CDC14B: variants seen among roughly 807,000 people sequenced by gnomAD.
The protein encoded by CDC14B is cell division cycle 14B.
Under a neutral mutation model 64.2 loss-of-function variants are expected in CDC14B, and 22 were observed. The observed-to-expected ratio is 0.34, with a 90% CI of 0.24 to 0.49. The LOEUF (loss-of-function observed/expected upper bound fraction) is 0.49. Ranked by LOEUF, CDC14B falls within the 20% of genes least tolerant of loss-of-function variation. The pLI is 0.99. For missense variants in CDC14B, 498 were observed against 629.9 expected (o/e 0.79, Z 2.24); for synonymous variants, 191 against 215.8 (o/e 0.89, Z 1.01).
chr9:96,614,587 G>A (rs1320880763), intron 1 of CDC14B, among the ~76,000 whole-genome samples: 1 of 152,130 alleles, frequency 6.6e-6, no homozygotes, highest in Non-Finnish European at 1.5e-5. Flanking sequence ...TAGTGTTAGA[G>A]TCTTTAAATT....
chr9:96,608,766 A>G (rs1588075077), intron 1 of CDC14B, among the ~76,000 whole-genome samples: 1 of 152,156 alleles, frequency 6.6e-6, no homozygotes, highest in Non-Finnish European at 1.5e-5. Context: ...ATTGAAATGT[A>G]GACCTTTTCC....
At chr9:96,511,220 AT>A (rs1353308747) in intron 12 of CDC14B, among the ~76,000 whole-genome samples, 2 of 152,222 alleles carry the variant, frequency 1.3e-5, no homozygotes, top group African/African-American at 4.8e-5. Flanking sequence ...CAACCTTAGC[AT>A]GACCCAAACC....
rs1482183991 is a variant in CDC14B, at chr9:96,605,200, C to T, written c.160+14019G>A. On this transcript the variant is annotated intron_variant, in intron 1 of 13. Coordinates refer to ENST00000375241, the MANE Select transcript of CDC14B (RefSeq NM_033331.4). ...CAGAGGAAAAAAAAAATAACAATAA[C>T]GTAATGGAATGCAGCAGGCGCTGTT... 4.6e-5 allele frequency among the ~76,000 whole-genome samples: 7 copies of T among 152,168 alleles called. No homozygotes were observed. The South Asian group carries it at 6.2e-4, about 14-fold the overall frequency.
At chr9:96,509,493 T>TC (rs1297554804) in intron 13 of CDC14B, among the ~76,000 whole-genome samples, 180 bp downstream of exon 13, 22 of 152,222 alleles carry the variant, frequency 1.4e-4, no homozygotes, top group South Asian at 4.1e-4. Context: ...AACAAAAGCC[T>TC]ACATTAAAAT....
intron 9 of CDC14B, among the ~76,000 whole-genome samples, chr9:96,527,929 TA>T (rs1380381802): frequency 6.6e-6 from 1 of 152,064 alleles, no homozygotes; most frequent in Non-Finnish European, 1.5e-5. Context: ...CTGGACCCAT[TA>T]AACAATAACT....
intron 1 of CDC14B, among the ~76,000 whole-genome samples, chr9:96,595,297 T>C (rs183251242): frequency 1.1e-3 from 175 of 152,250 alleles, no homozygotes; most frequent in African/African-American, 4.0e-3. Context: ...ACGAAAATAT[T>C]TAACACCCAT....
chr9:96,592,383 G>T (rs1845841854), intron 1 of CDC14B, among the ~76,000 whole-genome samples: 1 of 152,200 alleles, frequency 6.6e-6, no homozygotes. Flanking sequence ...CAGCCAAAAA[G>T]CTGTTTTTGC....
chr9:96,552,447 T>A (rs1340799931), intron 4 of CDC14B, among the ~76,000 whole-genome samples: 1 of 152,254 alleles, frequency 6.6e-6, no homozygotes, highest in African/African-American at 2.4e-5. Context: ...TCAAGTATAT[T>A]CTTCAGCATT....
chr9:96,604,276 A>G (rs1195957448), intron 1 of CDC14B, among the ~76,000 whole-genome samples: 2 of 151,972 alleles, frequency 1.3e-5, no homozygotes, highest in Non-Finnish European at 2.9e-5. Flanking sequence ...CCAAGTCCTT[A>G]ATTGCATACT....
chr9:96,551,673 G>A, intron 5 of CDC14B, 123 bp downstream of exon 5: 7 of 1,324,948 alleles, frequency 5.3e-6, no homozygotes, highest in Non-Finnish European at 7.2e-6. Flanking sequence ...CCAGATCTGT[G>A]GTGTTATTTG....
chr9:96,555,393 C>T (rs1252487318), intron 4 of CDC14B, among the ~76,000 whole-genome samples: 1 of 152,186 alleles, frequency 6.6e-6, no homozygotes, highest in African/African-American at 2.4e-5. Flanking sequence ...TGTGACTGAG[C>T]CCCCTTAGAC....
downstream of CDC14B, chr9:96,496,306 A>G: frequency 1.9e-6 from 1 of 515,540 alleles, no homozygotes; most frequent in Non-Finnish European, 3.9e-6. Flanking sequence ...GTGGATCCCG[A>G]GCCAGATCAG....
chr9:96,534,243 A>G (rs1213946873), intron 8 of CDC14B, 86 bp from the exon 9 acceptor site: 1 of 854,674 alleles, frequency 1.2e-6, no homozygotes, highest in Non-Finnish European at 1.8e-6. Flanking sequence ...CGGAAACAGT[A>G]TCTGGACTGG....
chr9:96,601,937 T>A (rs2118842343), intron 1 of CDC14B, among the ~76,000 whole-genome samples: 1 of 148,972 alleles, frequency 6.7e-6, no homozygotes, highest in East Asian at 2.0e-4. Flanking sequence ...TGGGTGCCTG[T>A]AACCCCAGCT....
At chr9:96,560,880 A>C (rs1336055220) in intron 4 of CDC14B, among the ~76,000 whole-genome samples, 1 of 151,906 alleles carries the variant, frequency 6.6e-6, no homozygotes, top group Non-Finnish European at 1.5e-5. Context: ...TAGACAATCT[A>C]TAACCTATGT....
chr9:96,519,680 G>A (rs1360612446), intron 12 of CDC14B, among the ~76,000 whole-genome samples: 3 of 147,876 alleles, frequency 2.0e-5, no homozygotes, highest in African/African-American at 5.0e-5. Flanking sequence ...GCAGTGAGCC[G>A]AGGGCACACC....
At chr9:96,536,334 C>T (rs185900757) in intron 7 of CDC14B, among the ~76,000 whole-genome samples, 12 of 152,282 alleles carry the variant, frequency 7.9e-5, no homozygotes, top group Admixed American at 7.2e-4. Flanking sequence ...ATTAATAGCA[C>T]ACAAAGGCAT....
At chr9:96,510,544 TC>T (rs1834773731) in intron 12 of CDC14B, among the ~76,000 whole-genome samples, 1 of 151,972 alleles carries the variant, frequency 6.6e-6, no homozygotes, top group African/African-American at 2.4e-5. Flanking sequence ...TTTTTTTTTT[TC>T]TTTCCTCTTT....
chr9:96,588,565 C>A (rs754596725), intron 1 of CDC14B, among the ~76,000 whole-genome samples: 1 of 152,170 alleles, frequency 6.6e-6, no homozygotes, highest in East Asian at 1.9e-4. Context: ...AGGCTCACTG[C>A]GGCCTCCACC....
Sources: allele counts gnomAD v4.1 joint callset (sites outside exome capture counted in the v4.1 genomes callset), GRCh38; gene constraint gnomAD v4.1.1; transcripts MANE v1.5; gene names NCBI Gene and HGNC (gene_info 2026-07-23, HGNC 2026-07-21).